Variants in POP4 observed in about 807,000 individuals in gnomAD.
The protein encoded by POP4 is POP4 ribonuclease P/MRP subunit, also known as ribonuclease P protein subunit p29.
Under a neutral mutation model 29.9 loss-of-function variants are expected in POP4, and 31 were observed. The observed-to-expected ratio is 1.04, with a 90% confidence interval of 0.78 to 1.40. The LOEUF (loss-of-function observed/expected upper bound fraction) is 1.40. Among genes scored for constraint, POP4 ranks in the 40% most tolerant of loss-of-function variants. The probability of loss-of-function intolerance (pLI) is 0.00; values close to 1 mark genes in which losing one functional copy is unlikely to be tolerated. For missense variants in POP4, 286 were observed against 282.7 expected (o/e 1.01, Z -0.08); for synonymous variants, 110 against 108.2 (o/e 1.02, Z -0.10).
At chr19:29,613,844 G>C in intron 5 of POP4, 27 bp from the exon 6 acceptor site, 1 of 1,604,426 alleles carries the variant, frequency 6.2e-7, no homozygotes, top group Non-Finnish European at 8.5e-7. Context: ...AGAGGCCTGA[G>C]CCTGGAACTG....
chr19:29,611,745 G>C, intron 3 of POP4, 117 bp from the exon 4 acceptor site: 2 of 828,872 alleles, frequency 2.4e-6, no homozygotes, highest in South Asian at 1.5e-5. Flanking sequence ...TTTGCACATA[G>C]TTCCTAATGA....
chr19:29,613,821 C>T, intron 5 of POP4, 50 bp from the exon 6 acceptor site: 2 of 1,555,338 alleles, frequency 1.3e-6, no homozygotes, highest in African/African-American at 1.4e-5. Context: ...CTCTGTGGTT[C>T]CCCCAGCACC....
At chr19:29,610,199 G>A (rs376808124) in intron 2 of POP4, 19 of 568,684 alleles carry the variant, frequency 3.3e-5, no homozygotes, top group South Asian at 2.0e-4. Context: ...TGTGACAAAC[G>A]GTCATGAATT....
At chr19:29,611,720 T>G in intron 3 of POP4, 142 bp from the exon 4 acceptor site, 1 of 680,770 alleles carries the variant, frequency 1.5e-6, no homozygotes, top group Non-Finnish European at 2.6e-6. Context: ...ATCAGCTCAA[T>G]TGCTCATCGT....
chr19:29,613,838 G>T, intron 5 of POP4, 33 bp from the exon 6 acceptor site: 1 of 1,597,690 alleles, frequency 6.3e-7, no homozygotes. Flanking sequence ...CACCACAGAG[G>T]CCTGAGCCTG....
intron 1 of POP4, among the ~76,000 whole-genome samples, chr19:29,607,030 T>A (rs562983200): frequency 1.7e-3 from 254 of 152,292 alleles, no homozygotes; most frequent in African/African-American, 4.5e-3. Flanking sequence ...TGAAGCAAAG[T>A]TATCAGGCCC....
At chr19:29,609,676 G>T (rs933163719) in intron 2 of POP4, among the ~76,000 whole-genome samples, 1 of 152,178 alleles carries the variant, frequency 6.6e-6, no homozygotes, top group Non-Finnish European at 1.5e-5. Flanking sequence ...ACACAATTAC[G>T]ACAGTCATTT....
intron 5 of POP4, among the ~76,000 whole-genome samples, chr19:29,612,633 G>A (rs1204317295): frequency 6.6e-6 from 1 of 152,146 alleles, no homozygotes; most frequent in Non-Finnish European, 1.5e-5. Flanking sequence ...GGATGTTCAG[G>A]GGGCATCTCA....
chr19:29,606,391 G>A (rs775901025), intron 1 of POP4, 66 bp downstream of exon 1: 2 of 1,531,868 alleles, frequency 1.3e-6, no homozygotes, highest in Non-Finnish European at 1.8e-6. Context: ...GTACTGGTGG[G>A]TGAAATGGGT....
At chr19:29,610,806 G>C (rs781320545) in intron 3 of POP4, 174 bp downstream of exon 3, 1 of 642,756 alleles carries the variant, frequency 1.6e-6, no homozygotes. Flanking sequence ...TCAGCGAGGC[G>C]GGTGAGACAG....
chr19:29,608,882 G>A (rs1418725850), intron 2 of POP4, 173 bp downstream of exon 2: 7 of 585,048 alleles, frequency 1.2e-5, no homozygotes, highest in African/African-American at 3.8e-5. Flanking sequence ...CTGTTCCCAC[G>A]TGCCAGCCTC....
intron 2 of POP4, chr19:29,609,355 A>G (rs75962180): frequency 0.033 from 5,083 of 152,498 alleles, 167 homozygotes; most frequent in South Asian, 0.09. Context: ...CGAAGGCTAT[A>G]TGTACCCTAT....
intron 5 of POP4, 173 bp from the exon 6 acceptor site, chr19:29,613,698 C>T: frequency 3.0e-6 from 3 of 988,024 alleles, no homozygotes; most frequent in Non-Finnish European, 1.4e-6. Flanking sequence ...AGCCTGGATT[C>T]TTGTTGGTTA....
In POP4 at chr19:29,615,588, A is replaced by C. The variant is rs1375180015; in HGVS notation, c.*208A>C. The C allele has an allele frequency of 4.2e-6, 2 of 480,458 alleles. No homozygotes were observed. Among genetic ancestry groups the C allele is most frequent in the African/African-American group, 1.9e-5 (1 of 51,740 alleles). 29.8% of individuals were successfully genotyped at this position (480,458 alleles called of 1,614,324 possible). The stretch of plus-strand genomic sequence containing the variant: ...AGAGGACAGAGGAATTTCTCTTTCT[A>C]GGAGATTTTCATTTTGTGTGACTCC... On this transcript the variant is annotated 3_prime_UTR_variant, in exon 7 of 7. Coordinates refer to ENST00000585603, the MANE Select transcript of POP4 (RefSeq NM_006627.3).
intron 6 of POP4, among the ~76,000 whole-genome samples, chr19:29,614,651 G>A (rs865865842): frequency 5.3e-5 from 8 of 151,872 alleles, no homozygotes; most frequent in Admixed American, 1.3e-4. Flanking sequence ...TTACAGGCAC[G>A]CGCCACCACG....
In POP4 at chr19:29,608,711, T is replaced by C; in HGVS notation, c.60+2T>C. 1 of 1,613,774 alleles carries C rather than the reference T, an allele frequency of 6.2e-7. No homozygotes were observed. The highest frequency in any genetic ancestry group is 1.3e-5 in the African/African-American group (1 of 75,016). ...GAGGCGAATGACTCCGATGTCCAGGTCAGTTCTTGGCAGGGAGTCCAGGAG... is the reference window on the plus strand; with the variant it reads ...GAGGCGAATGACTCCGATGTCCAGGCCAGTTCTTGGCAGGGAGTCCAGGAG... On this transcript the variant is annotated splice_donor_variant, in intron 2 of 6. Coordinates refer to ENST00000585603, the MANE Select transcript of POP4 (RefSeq NM_006627.3). LOFTEE classifies it high-confidence loss of function.
intron 2 of POP4, among the ~76,000 whole-genome samples, chr19:29,609,792 C>T (rs536739440): frequency 8.0e-4 from 121 of 152,144 alleles, no homozygotes; most frequent in Non-Finnish European, 1.4e-3. Context: ...GAGATGCTCT[C>T]GACGGTACCT....
rs73018803 is a variant in POP4, at chr19:29,612,963, C to A, written c.424+785C>A. On this transcript the variant is annotated intron_variant, in intron 5 of 6. Coordinates refer to ENST00000585603, the MANE Select transcript of POP4 (RefSeq NM_006627.3). ...CAGCGTCCCATCGTATGGGAGTAAA[C>A]CTGCCTCCTTGCTGTGGTCTAAGGC... Among the ~76,000 whole-genome samples the A allele has an allele frequency of 5.4e-3, 825 of 152,298 alleles. 2 individuals are homozygous for A. The highest frequency in any genetic ancestry group is 8.5e-3 in the Non-Finnish European group (577 of 68,016).
At chr19:29,608,628 T>A (rs373488008) in intron 1 of POP4, 29 bp from the exon 2 acceptor site, 2 of 1,603,508 alleles carry the variant, frequency 1.2e-6, no homozygotes, top group Admixed American at 3.3e-5. Flanking sequence ...CCAACAAGAA[T>A]TGATCATTTC....
Sources: gnomAD v4.1 joint callset for allele counts (sites outside exome capture counted in the v4.1 genomes callset) on GRCh38, gnomAD v4.1.1 for gene constraint, MANE v1.5 for transcripts, NCBI Gene and HGNC (gene_info 2026-07-23, HGNC 2026-07-21) for gene names.